Variants in KIF20B observed in about 807,000 individuals in gnomAD.
KIF20B encodes kinesin-like protein KIF20B.
In KIF20B, 188 loss-of-function variants were observed where a neutral mutation model predicts 232.5. The observed-to-expected ratio is 0.81, with a 90% CI of 0.72 to 0.91. The LOEUF is 0.91. Among genes scored for constraint, KIF20B ranks in the 40% least tolerant of loss-of-function variants. The pLI, the probability that KIF20B is intolerant of heterozygous loss-of-function variation, is 0.00. For missense variants in KIF20B, 2,154 were observed against 2,055.9 expected (o/e 1.05, Z -0.92); for synonymous variants, 712 against 683.0 (o/e 1.04, Z -0.66).
intron 14 of KIF20B, 69 bp downstream of exon 14, chr10:89,724,172 C>A (rs913102964): frequency 2.4e-6 from 3 of 1,232,584 alleles, no homozygotes; most frequent in Non-Finnish European, 3.2e-6. Flanking sequence ...TTTTTTTTTA[C>A]TTAGTTTACT....
chr10:89,774,695 A>C lies in KIF20B; in HGVS notation c.*647A>C, dbSNP rs558795605. On this transcript the variant is annotated 3_prime_UTR_variant, in exon 33 of 33. Transcript: ENST00000371728. ...TTTGAATTACAGATAATCCAATTAC[A>C]TTCTTTAGATCATTTAAAAATATAC... 21 of 152,132 alleles carry C rather than the reference A, an allele frequency of 1.4e-4. No homozygotes were observed. Among genetic ancestry groups the C allele is most frequent in the African/African-American group, 4.6e-4 (19 of 41,556 alleles). The allele number at this position is 152,132 out of a possible 1,614,324, so 9.4% of individuals were successfully genotyped here.
chr10:89,765,353 G>T (rs1251741614), intron 29 of KIF20B, among the ~76,000 whole-genome samples: 2 of 152,140 alleles, frequency 1.3e-5, no homozygotes, highest in Non-Finnish European at 2.9e-5. Flanking sequence ...TCTTCAAGAA[G>T]AACTACAAAC....
In KIF20B at chr10:89,739,034, T is replaced by C. The variant is rs1172101419; in HGVS notation, c.3853T>C (p.Tyr1285His). Residue 1285 changes from tyrosine (Y) to histidine (H), a missense_variant, in exon 21 of 33, where the codon TAT becomes CAT. Tyr to His is a moderately conservative substitution (Grantham distance 83). Coordinates refer to ENST00000371728, the MANE Select transcript of KIF20B (RefSeq NM_001284259.2). ...KADLQRKEEDYADLKEKLTDA... is the reference protein window; with the variant it reads ...KADLQRKEEDHADLKEKLTDA... ...AGATCTTCAGAGGAAGGAAGAAGATTATGCTGACCTGAAAGAGAAACTGAC... is the reference window on the plus strand; with the variant it reads ...AGATCTTCAGAGGAAGGAAGAAGATCATGCTGACCTGAAAGAGAAACTGAC... The C allele has an allele frequency of 6.2e-7, 1 of 1,613,498 alleles. No individual in the cohort carries two copies. The highest frequency in any genetic ancestry group is 8.5e-7 in the Non-Finnish European group (1 of 1,179,610).
chr10:89,756,654 G>A (rs1842124293), intron 26 of KIF20B, among the ~76,000 whole-genome samples: 1 of 152,138 alleles, frequency 6.6e-6, no homozygotes, highest in African/African-American at 2.4e-5. Context: ...AGAGAACACT[G>A]TTCCACCCCA....
Position 89,708,358 on chromosome 10 carries a change from T to C in KIF20B, c.148-809T>C, listed in dbSNP as rs1406829942. ...TCCCAAGTAGCTGGGATTACAGGCA[T>C]GCACCACCATGCCTGGCTAATTTTG... On this transcript the variant is annotated intron_variant, in intron 2 of 32. Coordinates refer to ENST00000371728, the MANE Select transcript of KIF20B (RefSeq NM_001284259.2). Among the ~76,000 whole-genome samples, 5 of 152,214 alleles carry C rather than the reference T, an allele frequency of 3.3e-5. No homozygotes were observed. The South Asian group carries it at 8.3e-4, about 25-fold the overall frequency.
At chr10:89,704,747 C>T (rs1019581397) in intron 1 of KIF20B, among the ~76,000 whole-genome samples, 2 of 152,062 alleles carry the variant, frequency 1.3e-5, no homozygotes, top group African/African-American at 2.4e-5. Flanking sequence ...TTAGTAGAGA[C>T]GGGGTTTCAC....
chr10:89,760,144 A>T (rs2133164595), intron 27 of KIF20B, among the ~76,000 whole-genome samples: 1 of 152,280 alleles, frequency 6.6e-6, no homozygotes, highest in East Asian at 1.9e-4. Flanking sequence ...CTCAGTACAG[A>T]CCTTGACCAT....
chr10:89,746,066 C>A, intron 23 of KIF20B, 107 bp downstream of exon 23: 1 of 777,100 alleles, frequency 1.3e-6, no homozygotes. Context: ...CAGCTCAAAC[C>A]CCTAGGGGGA....
chr10:89,767,064 A>G (rs1395056792), intron 29 of KIF20B, among the ~76,000 whole-genome samples: 15 of 152,014 alleles, frequency 9.9e-5, no homozygotes, highest in Admixed American at 9.2e-4. Context: ...TACATCATGT[A>G]GAAACTTTAA....
chr10:89,717,272 C>T, intron 9 of KIF20B, 152 bp from the exon 10 acceptor site: 1 of 556,996 alleles, frequency 1.8e-6, no homozygotes, highest in South Asian at 3.1e-5. Flanking sequence ...CAGTAGAACA[C>T]TGGCTTGAAA....
At position 89,773,981 on chromosome 10, in the gene KIF20B, AC is replaced by A; in HGVS notation, c.5398del (p.Gln1800ArgfsTer3). On this transcript the variant is annotated frameshift_variant, in exon 33 of 33. Coordinates refer to ENST00000371728, the MANE Select transcript of KIF20B (RefSeq NM_001284259.2). LOFTEE classifies it high-confidence loss of function. ...AATTTTTAATTTCAGATTTTAATGG[AC>A]CAGAAAATGAAGGAGAGTGATCACC... Reference protein sequence around the residue: ...IDISGQVILMDQKMKESDHQI... With the variant: ...IDISGQVILMXQKMKESDHQI... 6.4e-7 allele frequency: 1 copy of A among 1,560,480 alleles called. No individual in the cohort carries two copies. Among genetic ancestry groups the A allele is most frequent in the Admixed American group, 1.8e-5 (1 of 54,722 alleles).
At chr10:89,728,023 G>A (rs1843228108) in intron 17 of KIF20B, 127 bp downstream of exon 17, 3 of 751,518 alleles carry the variant, frequency 4.0e-6, no homozygotes, top group African/African-American at 1.8e-5. Flanking sequence ...ATGCATGGGG[G>A]ATTGGTTTTA....
intron 29 of KIF20B, among the ~76,000 whole-genome samples, chr10:89,764,629 C>T (rs575611901): frequency 2.2e-4 from 33 of 152,198 alleles, no homozygotes; most frequent in African/African-American, 5.3e-4. Context: ...TTTTGATTTG[C>T]ATTTCTCTGA....
At chr10:89,767,591 C>G (rs1842389865) in intron 29 of KIF20B, among the ~76,000 whole-genome samples, 1 of 151,918 alleles carries the variant, frequency 6.6e-6, no homozygotes, top group Admixed American at 6.6e-5. Flanking sequence ...ATCTTTGGTA[C>G]AACTAGGATT....
chr10:89,726,458 G>C lies in KIF20B; in HGVS notation c.2167G>C (p.Glu723Gln). 6.2e-7 allele frequency: 1 copy of C among 1,607,778 alleles called. No individual in the cohort carries two copies. Among genetic ancestry groups the C allele is most frequent in the African/African-American group, 1.3e-5 (1 of 74,750 alleles). ...LELKFNQIKAELAKTKGELIK... is the reference protein window; with the variant it reads ...LELKFNQIKAQLAKTKGELIK... ...ACTAAAGTTTAATCAAATTAAAGCT[G>C]AATTAGCTAAAACCAAAGGAGAATT... The change falls in exon 16 of 33, where the codon GAA (glutamate) becomes CAA (glutamine). Residue 723 changes from glutamate to glutamine, a missense_variant. By Grantham distance (29) the Glu-to-Gln change is conservative. Transcript: ENST00000371728.
intron 22 of KIF20B, among the ~76,000 whole-genome samples, chr10:89,744,293 C>G (rs191943290): frequency 2.6e-3 from 403 of 152,194 alleles, no homozygotes; most frequent in Middle Eastern, 3.4e-3. Context: ...GTATTCTTTC[C>G]CTAAATTTAT....
chr10:89,739,322 TTTC>T lies in KIF20B; in HGVS notation c.3915+232_3915+234del, dbSNP rs751324656. ...ATGTACCTTATGAAAGATTAGTCTT[TTTC>T]TTCTTTAAGAATTGCTAAATGTAAG... On this transcript the variant is annotated intron_variant, in intron 21 of 32. Transcript: ENST00000371728. 3.1e-4 allele frequency among the ~76,000 whole-genome samples: 47 copies of T among 152,318 alleles called. 1 individual carries two copies. The highest frequency in any genetic ancestry group is 5.7e-4 in the Non-Finnish European group (39 of 67,994).
intron 26 of KIF20B, among the ~76,000 whole-genome samples, chr10:89,758,120 C>T (rs563183570): frequency 1.0e-3 from 156 of 152,066 alleles, no homozygotes; most frequent in African/African-American, 3.6e-3. Flanking sequence ...TTTTCCATTT[C>T]CACACACATT....
chr10:89,727,945 AGG>A, intron 17 of KIF20B, 49 bp downstream of exon 17: 7 of 1,454,506 alleles, frequency 4.8e-6, no homozygotes, highest in Non-Finnish European at 6.5e-6. Flanking sequence ...TAATTAACAA[AGG>A]GGTATGAATG....
Sources: gnomAD v4.1 joint callset for allele counts (sites outside exome capture counted in the v4.1 genomes callset) on GRCh38, gnomAD v4.1.1 for gene constraint, MANE v1.5 for transcripts, NCBI Gene and HGNC (gene_info 2026-07-23, HGNC 2026-07-21) for gene names.